Variants in HOXB3 observed in about 807,000 individuals in gnomAD.
HOXB3 encodes the protein homeobox B3.
A neutral mutation model predicts 29.2 loss-of-function variants in HOXB3; 17 were observed. That is an observed-to-expected ratio of 0.58 (90% CI 0.40 to 0.87). The LOEUF is 0.87. HOXB3 is among the 40% of genes least tolerant of loss of function. The probability of loss-of-function intolerance (pLI) is 0.00; values close to 1 mark genes in which losing one functional copy is unlikely to be tolerated. For synonymous variants in HOXB3, 317 were observed against 285.9 expected, an observed-to-expected ratio of 1.11 and a Z score of -1.10; for missense variants, 637 against 616.3, an observed-to-expected ratio of 1.03 and a Z score of -0.35.
At chr17:48,570,917 C>T (rs931858608) in intron 2 of HOXB3, among the ~76,000 whole-genome samples, 5 of 152,240 alleles carry the variant, frequency 3.3e-5, no homozygotes, top group African/African-American at 1.2e-4. Context: ...CAGAGAAAAA[C>T]ACTCTGCTAA....
At chr17:48,587,499 T>A (rs962959571) in intron 1 of HOXB3, among the ~76,000 whole-genome samples, 1 of 151,972 alleles carries the variant, frequency 6.6e-6, no homozygotes, top group East Asian at 1.9e-4. Context: ...GGGACTGAGT[T>A]TGGGGGGGTT....
Position 48,550,905 on chromosome 17 carries a change from T to C in HOXB3, c.725A>G (p.Lys242Arg). 1 of 1,613,932 alleles carries C rather than the reference T, an allele frequency of 6.2e-7. No individual in the cohort carries two copies. Among genetic ancestry groups the C allele is most frequent in the Non-Finnish European group, 8.5e-7 (1 of 1,179,918 alleles). The change falls in exon 5 of 5, where the codon AAG becomes AGG. Residue 242 changes from lysine to arginine, a missense_variant. Transcript: ENST00000498678. ...IKIWFQNRRM[K>R]YKKDQKAKGL... ...CTTGGCCTTCTGGTCCTTCTTGTAC[T>C]TCATGCGCCGGTTCTGGAACCAGAT...
At chr17:48,570,613 T>C (rs1368464265) in intron 2 of HOXB3, among the ~76,000 whole-genome samples, 1 of 152,150 alleles carries the variant, frequency 6.6e-6, no homozygotes, top group African/African-American at 2.4e-5. Flanking sequence ...CCGGTTGTCT[T>C]AACAAGCCCC....
At chr17:48,579,508 C>T (rs527266181) in intron 1 of HOXB3, 2 of 152,736 alleles carry the variant, frequency 1.3e-5, no homozygotes, top group Non-Finnish European at 2.9e-5. Context: ...TCTTCGCACA[C>T]TGAAGACAAG....
At chr17:48,551,313 C>A (rs549949038) in intron 4 of HOXB3, 132 bp from the exon 5 acceptor site, 21 of 1,136,152 alleles carry the variant, frequency 1.8e-5, no homozygotes, top group Admixed American at 1.8e-4. Context: ...CCCTCCCCTT[C>A]GGGTCCCCGC....
intron 2 of HOXB3, among the ~76,000 whole-genome samples, chr17:48,561,537 C>T (rs2069198816): frequency 6.6e-6 from 1 of 152,226 alleles, no homozygotes; most frequent in Non-Finnish European, 1.5e-5. Context: ...AACTTCTATA[C>T]CCAGATGCCC....
chr17:48,552,106 G>A lies in HOXB3; in HGVS notation c.369C>T (p.Ser123=), dbSNP rs2068775185. 4.3e-6 allele frequency: 7 copies of A among 1,613,518 alleles called. No homozygotes were observed. The highest frequency in any genetic ancestry group is 2.2e-5 in the East Asian group (1 of 44,870). The change falls in exon 4 of 5, where the codon TCC becomes TCT. Residue 123 remains serine (S), a synonymous_variant. Coordinates refer to ENST00000498678, the MANE Select transcript of HOXB3 (RefSeq NM_001384749.1). The part of the protein sequence containing the change: ...GPPKCGPGTN[S]TLTKQIFPWM... The stretch of plus-strand genomic sequence containing the variant: ...AGGGGAATATCTGTTTGGTGAGGGT[G>A]GAGTTGGTGCCGGGACCGCACTTTG...
chr17:48,589,648 C>T (rs1025365133), intron 1 of HOXB3, among the ~76,000 whole-genome samples: 2 of 152,192 alleles, frequency 1.3e-5, no homozygotes, highest in Admixed American at 1.3e-4. Context: ...GCCGCCTACC[C>T]GGTGCTTTTT....
intron 2 of HOXB3, among the ~76,000 whole-genome samples, chr17:48,568,336 AG>A (rs2069458961): frequency 6.6e-6 from 1 of 152,238 alleles, no homozygotes; most frequent in East Asian, 1.9e-4. Context: ...TATGCCAATG[AG>A]GCATTTCTGG....
chr17:48,568,651 GGACACACA>G (rs1433795824), intron 2 of HOXB3, among the ~76,000 whole-genome samples: 2 of 149,644 alleles, frequency 1.3e-5, no homozygotes, highest in Non-Finnish European at 3.0e-5. Context: ...ACACACGCGC[GGACACACA>G]CACACACAAT....
At chr17:48,571,138 C>G (rs778107611) in intron 2 of HOXB3, among the ~76,000 whole-genome samples, 4 of 152,218 alleles carry the variant, frequency 2.6e-5, no homozygotes, top group Non-Finnish European at 5.9e-5. Flanking sequence ...AGCGCCTGAT[C>G]GCGAGCCGAG....
Position 48,552,081 on chromosome 17 carries a change from A to T in HOXB3, c.394T>A (p.Trp132Arg). Residue 132 changes from tryptophan to arginine, a missense_variant, in exon 4 of 5, where the codon TGG becomes AGG. Trp to Arg is a moderately radical substitution (Grantham distance 101). Coordinates refer to ENST00000498678, the MANE Select transcript of HOXB3 (RefSeq NM_001384749.1). ...NSTLTKQIFPWMKESRQTSKL... is the reference protein window; with the variant it reads ...NSTLTKQIFPRMKESRQTSKL... ...GACGTTTGCCTCGACTCTTTCATCC[A>T]GGGGAATATCTGTTTGGTGAGGGTG... 6.2e-7 allele frequency: 1 copy of T among 1,608,082 alleles called. No individual in the cohort carries two copies. Among genetic ancestry groups the T allele is most frequent in the Non-Finnish European group, 8.5e-7 (1 of 1,175,794 alleles).
At chr17:48,570,255 A>C (rs1391172383) in intron 2 of HOXB3, among the ~76,000 whole-genome samples, 1 of 152,210 alleles carries the variant, frequency 6.6e-6, no homozygotes, top group Non-Finnish European at 1.5e-5. Flanking sequence ...AGGCCTAAAG[A>C]GAGAGACACA....
chr17:48,556,743 T>C (rs1160528936), intron 2 of HOXB3: 1 of 152,100 alleles, frequency 6.6e-6, no homozygotes, highest in African/African-American at 2.4e-5. Context: ...CTGAAAGAAC[T>C]TCATGGATAA....
At chr17:48,551,905 C>T in intron 4 of HOXB3, 122 bp downstream of exon 4, 3 of 898,606 alleles carry the variant, frequency 3.3e-6, no homozygotes, top group South Asian at 1.6e-5. Context: ...AAAATGTACC[C>T]GCTGGCCACC....
intron 1 of HOXB3, among the ~76,000 whole-genome samples, chr17:48,582,915 C>A (rs899224287): frequency 6.6e-6 from 1 of 152,298 alleles, no homozygotes; most frequent in East Asian, 1.9e-4. Context: ...ATGAGGCTGG[C>A]ACGGGGAAAA....
chr17:48,552,650 A>G lies in HOXB3; in HGVS notation c.-158-18T>C. ...CGGCTGACCTGCGAGGCGAGAGAAGAGACACAAGGGGGAGAAGAGGACTGG... is the reference window on the plus strand; with the variant it reads ...CGGCTGACCTGCGAGGCGAGAGAAGGGACACAAGGGGGAGAAGAGGACTGG... On this transcript the variant is annotated intron_variant, in intron 3 of 4. Transcript: ENST00000498678. 1.8e-6 allele frequency: 1 copy of G among 561,456 alleles called. No individual in the cohort carries two copies. Among genetic ancestry groups the G allele is most frequent in the South Asian group, 2.5e-5 (1 of 39,804 alleles). 34.8% of individuals were successfully genotyped at this position (561,456 alleles called of 1,614,324 possible).
intron 3 of HOXB3, 108 bp from the exon 4 acceptor site, chr17:48,552,740 C>T (rs1027110922): frequency 7.6e-5 from 31 of 407,952 alleles, no homozygotes; most frequent in African/African-American, 5.5e-4. Context: ...CTTTTCCCCT[C>T]CCCAACATCT....
At chr17:48,574,476 A>G (rs1452042058) in intron 1 of HOXB3, 1 of 152,298 alleles carries the variant, frequency 6.6e-6, no homozygotes, top group Non-Finnish European at 1.5e-5. Flanking sequence ...TGCAAGCTGG[A>G]GGAATGCAAA....
Sources: gnomAD v4.1 joint callset for allele counts (sites outside exome capture counted in the v4.1 genomes callset) on GRCh38, gnomAD v4.1.1 for gene constraint, MANE v1.5 for transcripts, NCBI Gene and HGNC (gene_info 2026-07-23, HGNC 2026-07-21) for gene names.